The following TBC1D8 variants were observed in gnomAD, a reference collection of about 807,000 sequenced individuals.
The protein encoded by TBC1D8 is BUB2-like protein 1.
A neutral mutation model predicts 118.8 loss-of-function variants in TBC1D8; 65 were observed. The ratio of observed to expected loss-of-function variants is 0.55; its 90% CI spans 0.45 to 0.67. TBC1D8 has a LOEUF of 0.67. Ranked by LOEUF, TBC1D8 falls within the 30% of genes least tolerant of loss-of-function variation. The pLI is 0.00. For synonymous variants in TBC1D8, 566 were observed against 595.8 expected, an observed-to-expected ratio of 0.95 and a Z score of 0.73; for missense variants, 1,376 against 1,471.2, an observed-to-expected ratio of 0.94 and a Z score of 1.06.
intron 1 of TBC1D8, among the ~76,000 whole-genome samples, chr2:101,124,952 A>G (rs1470885294): frequency 6.6e-6 from 1 of 152,156 alleles, no homozygotes; most frequent in Non-Finnish European, 1.5e-5. Flanking sequence ...CCTTAGAAAT[A>G]AGCTCTTCAA....
At chr2:101,066,791 G>A (rs147966344) in intron 2 of TBC1D8, among the ~76,000 whole-genome samples, 3 of 151,850 alleles carry the variant, frequency 2.0e-5, no homozygotes, top group Non-Finnish European at 2.9e-5. Context: ...TTAAAAATAC[G>A]AAAGTTAGCC....
At chr2:101,010,119 G>C (rs1472654087) in intron 19 of TBC1D8, among the ~76,000 whole-genome samples, 1 of 152,058 alleles carries the variant, frequency 6.6e-6, no homozygotes, top group Admixed American at 6.6e-5. Flanking sequence ...AGCCAAAAAG[G>C]AGCATTTTTA....
At chr2:101,068,531 T>C (rs985450747) in intron 2 of TBC1D8, 3 of 512,318 alleles carry the variant, frequency 5.9e-6, no homozygotes, top group Admixed American at 2.7e-5. Context: ...AGTGGTGGTA[T>C]GTAAACCCAA....
At chr2:101,079,720 C>G (rs1365190558) in intron 2 of TBC1D8, among the ~76,000 whole-genome samples, 6 of 119,338 alleles carry the variant, frequency 5.0e-5, no homozygotes, top group African/African-American at 1.6e-4. Context: ...GAGTCTTGCT[C>G]TGTCGCCCAG....
At chr2:101,082,896 C>T (rs543079602) in intron 2 of TBC1D8, among the ~76,000 whole-genome samples, 1 of 152,266 alleles carries the variant, frequency 6.6e-6, no homozygotes, top group South Asian at 2.1e-4. Context: ...TGCCACCAAC[C>T]TGTACACTTA....
intron 1 of TBC1D8, among the ~76,000 whole-genome samples, chr2:101,127,947 T>G (rs966607137): frequency 7.9e-5 from 12 of 152,246 alleles, no homozygotes; most frequent in African/African-American, 2.9e-4. Flanking sequence ...CTAAGCACAC[T>G]GGCTGTTAAG....
rs373901138 is a variant in TBC1D8, at chr2:101,090,262, A to G, written c.230T>C (p.Ile77Thr). 3 of 1,613,820 alleles carry G rather than the reference A, an allele frequency of 1.9e-6. No individual in the cohort carries two copies. The highest frequency in any genetic ancestry group is 2.5e-6 in the Non-Finnish European group (3 of 1,179,870). The change falls in exon 2 of 20, where the codon ATA becomes ACA. Residue 77 changes from isoleucine (I) to threonine (T), a missense_variant. Ile to Thr is a moderately conservative substitution (Grantham distance 89). Transcript: ENST00000409318. ...TCCATTCAGTAACTCACCACATGCT[A>G]TGGGAGAATAAACCTGGGAGCCGGG... ...QVPGSQVYSP[I>T]ACGELLNGSD...
chr2:101,085,145 C>A (rs2105451268), intron 2 of TBC1D8, among the ~76,000 whole-genome samples: 1 of 152,162 alleles, frequency 6.6e-6, no homozygotes, highest in South Asian at 2.1e-4. Flanking sequence ...GCCACCGCGC[C>A]CAGCCAGGGT....
At chr2:101,027,138 C>T (rs1347702416) in intron 15 of TBC1D8, among the ~76,000 whole-genome samples, 1 of 152,216 alleles carries the variant, frequency 6.6e-6, no homozygotes, top group Non-Finnish European at 1.5e-5. Context: ...AGCGCGAGGC[C>T]AGGCCTGCTG....
intron 2 of TBC1D8, among the ~76,000 whole-genome samples, chr2:101,078,714 C>CAA (rs34903828): frequency 0.028 from 2,273 of 80,084 alleles, 81 homozygotes; most frequent in African/African-American, 0.095. Flanking sequence ...ATCTTCATAA[C>CAA]AAAAAAAAAA....
At chr2:101,035,329 G>A (rs867893791) in intron 9 of TBC1D8, among the ~76,000 whole-genome samples, 5 of 152,076 alleles carry the variant, frequency 3.3e-5, no homozygotes, top group Non-Finnish European at 7.4e-5. Context: ...GGAGCAAGTC[G>A]CTCACAGTTG....
At chr2:101,074,849 T>C (rs1674706937) in intron 2 of TBC1D8, among the ~76,000 whole-genome samples, 1 of 152,224 alleles carries the variant, frequency 6.6e-6, no homozygotes. Flanking sequence ...ACACACTTTT[T>C]AGGTTCACAC....
intron 8 of TBC1D8, 116 bp from the exon 9 acceptor site, chr2:101,036,284 C>T: frequency 8.3e-7 from 1 of 1,210,388 alleles, no homozygotes; most frequent in Admixed American, 2.1e-5. Context: ...GGGCCAACAG[C>T]AACGGGCAAG....
At position 101,050,418 on chromosome 2, in the gene TBC1D8, C is replaced by G. The variant is rs78009672; in HGVS notation, c.855G>C (p.Pro285=). The change falls in exon 5 of 20, where the codon CCG becomes CCC. Residue 285 remains proline (P), a synonymous_variant. Coordinates refer to ENST00000409318, the MANE Select transcript of TBC1D8 (RefSeq NM_001330348.2). ...VFDLDPDLQE[P]SQITKRDLEA... Reference sequence around the variant, plus strand: ...ACTTTCACCTCTTGGTGATCTGGCTCGGCTCCTGCAGATCGGGGTCGAGGT... The same window carrying G: ...ACTTTCACCTCTTGGTGATCTGGCTGGGCTCCTGCAGATCGGGGTCGAGGT... 2 of 1,613,218 alleles carry G rather than the reference C, an allele frequency of 1.2e-6. No homozygotes were observed. Among genetic ancestry groups the G allele is most frequent in the Non-Finnish European group, 1.7e-6 (2 of 1,179,836 alleles).
intron 4 of TBC1D8, 71 bp from the exon 5 acceptor site, chr2:101,050,712 A>T (rs1682018843): frequency 6.4e-7 from 1 of 1,569,058 alleles, no homozygotes; most frequent in Non-Finnish European, 8.6e-7. Flanking sequence ...GTCAGCAAGC[A>T]ACTATCCAAA....
At chr2:101,115,891 C>A in intron 1 of TBC1D8, among the ~76,000 whole-genome samples, 1 of 152,218 alleles carries the variant, frequency 6.6e-6, no homozygotes. Context: ...GTTACGCACA[C>A]GCCAGCAAGG....
intron 1 of TBC1D8, among the ~76,000 whole-genome samples, chr2:101,147,459 T>A (rs1456962789): frequency 6.6e-6 from 1 of 152,296 alleles, no homozygotes; most frequent in Non-Finnish European, 1.5e-5. Context: ...TTTCTGCATA[T>A]CCTCACCAAC....
chr2:101,044,533 T>G (rs1223750586), intron 5 of TBC1D8, among the ~76,000 whole-genome samples: 1 of 152,158 alleles, frequency 6.6e-6, no homozygotes, highest in Non-Finnish European at 1.5e-5. Context: ...GTGCCTTCAC[T>G]TTTCCTCCGT....
chr2:101,091,252 T>G (rs540250656), intron 1 of TBC1D8, among the ~76,000 whole-genome samples: 25 of 152,088 alleles, frequency 1.6e-4, no homozygotes, highest in African/African-American at 5.8e-4. Flanking sequence ...ACCATTGCAC[T>G]CCAGCCTGGG....
Sources: gnomAD v4.1 joint callset for allele counts (sites outside exome capture counted in the v4.1 genomes callset) on GRCh38, gnomAD v4.1.1 for gene constraint, MANE v1.5 for transcripts, NCBI Gene and HGNC (gene_info 2026-07-23, HGNC 2026-07-21) for gene names.